ABTB3: variants seen among roughly 807,000 people sequenced by gnomAD.
ABTB3 encodes the protein ankyrin repeat and BTB domain containing 3.
the ABTB3 span, among the ~76,000 whole-genome samples, chr12:107,641,247 C>G: frequency 6.6e-6 from 1 of 152,254 alleles, no homozygotes; most frequent in East Asian, 1.9e-4. Flanking sequence ...AATTTGTTTT[C>G]CCTTGCATAG....
At chr12:107,465,691 TGTCTCAA>T in the ABTB3 span, among the ~76,000 whole-genome samples, 2 of 152,088 alleles carry the variant, frequency 1.3e-5, no homozygotes, top group Non-Finnish European at 2.9e-5. Context: ...GCCGCTGGGT[TGTCTCAA>T]GCCTCAGGCC....
chr12:107,318,683 T>C, the ABTB3 span: 1 of 464,528 alleles, frequency 2.2e-6, no homozygotes, highest in Non-Finnish European at 3.8e-6. Flanking sequence ...GGGAGCTTCC[T>C]TCCCGGCCTG....
At chr12:107,335,533 C>T in the ABTB3 span, among the ~76,000 whole-genome samples, 67,230 of 151,780 alleles carry the variant, frequency 0.44, 18,451 homozygotes, top group African/African-American at 0.79. Context: ...ACCCTGTACA[C>T]ACACATCAGC....
chr12:107,332,280 C>T, the ABTB3 span, among the ~76,000 whole-genome samples: 1 of 152,198 alleles, frequency 6.6e-6, no homozygotes, highest in African/African-American at 2.4e-5. Context: ...CTTTGGAAAA[C>T]CAAGAAGCCC....
chr12:107,321,266 G>A, the ABTB3 span, among the ~76,000 whole-genome samples: 1 of 152,310 alleles, frequency 6.6e-6, no homozygotes, highest in African/African-American at 2.4e-5. Context: ...GCGGTGGGCG[G>A]TGCCAAGGGT....
chr12:107,655,219 G>T, the ABTB3 span, among the ~76,000 whole-genome samples: 1 of 151,732 alleles, frequency 6.6e-6, no homozygotes, highest in South Asian at 2.1e-4. Context: ...GGGAATACAG[G>T]CTTAGAACAC....
At chr12:107,396,667 G>A in the ABTB3 span, among the ~76,000 whole-genome samples, 1 of 150,466 alleles carries the variant, frequency 6.6e-6, no homozygotes, top group Non-Finnish European at 1.5e-5. Context: ...AAAATGCAGA[G>A]AATATAAAAC....
chr12:107,422,696 T>C, the ABTB3 span, among the ~76,000 whole-genome samples: 1 of 152,250 alleles, frequency 6.6e-6, no homozygotes, highest in Non-Finnish European at 1.5e-5. Context: ...GATAACTTCT[T>C]ATGCCTCTTT....
the ABTB3 span, among the ~76,000 whole-genome samples, chr12:107,461,968 G>A: frequency 6.6e-6 from 1 of 152,168 alleles, no homozygotes; most frequent in Non-Finnish European, 1.5e-5. Context: ...ATTGTGGGTT[G>A]GGGCAAAGAA....
At chr12:107,475,113 C>T in the ABTB3 span, among the ~76,000 whole-genome samples, 1 of 152,160 alleles carries the variant, frequency 6.6e-6, no homozygotes, top group African/African-American at 2.4e-5. Flanking sequence ...AGCAGTGAAC[C>T]TCCATCCTGG....
chr12:107,398,684 C>T, the ABTB3 span, among the ~76,000 whole-genome samples: 1 of 151,940 alleles, frequency 6.6e-6, no homozygotes. Context: ...AATTTAGGAG[C>T]CTGCTAAACT....
the ABTB3 span, chr12:107,612,940 C>T: frequency 8.5e-6 from 12 of 1,415,178 alleles, no homozygotes; most frequent in Admixed American, 9.5e-5. Flanking sequence ...GAAAGGGGGG[C>T]TTTTTCTCCC....
the ABTB3 span, among the ~76,000 whole-genome samples, chr12:107,591,933 C>T: frequency 6.6e-6 from 1 of 152,216 alleles, no homozygotes; most frequent in African/African-American, 2.4e-5. Context: ...TAAGTCAGGT[C>T]TGTCTTACTC....
At chr12:107,453,417 G>A in the ABTB3 span, among the ~76,000 whole-genome samples, 3 of 152,094 alleles carry the variant, frequency 2.0e-5, no homozygotes, top group African/African-American at 4.8e-5. Flanking sequence ...ATTGGGATTC[G>A]TTCCCCTATA....
At chr12:107,535,204 A>G in the ABTB3 span, among the ~76,000 whole-genome samples, 1 of 152,210 alleles carries the variant, frequency 6.6e-6, no homozygotes, top group Non-Finnish European at 1.5e-5. Flanking sequence ...GAGTATCTCA[A>G]TAGAGGCAGA....
the ABTB3 span, chr12:107,581,455 C>T: frequency 1.4e-5 from 8 of 577,640 alleles, no homozygotes; most frequent in African/African-American, 8.0e-5. Flanking sequence ...GTGGCAGACG[C>T]GGGCTGAACA....
chr12:107,495,686 G>C, the ABTB3 span, among the ~76,000 whole-genome samples: 1 of 152,168 alleles, frequency 6.6e-6, no homozygotes. Context: ...ATCTACAGCT[G>C]GTATTGCCTC....
chr12:107,498,852 TG>T, the ABTB3 span, among the ~76,000 whole-genome samples: 1 of 152,214 alleles, frequency 6.6e-6, no homozygotes, highest in Non-Finnish European at 1.5e-5. Context: ...TGGACATCTT[TG>T]GGGACCATTA....
chr12:107,568,086 A>T, the ABTB3 span, among the ~76,000 whole-genome samples: 1 of 152,194 alleles, frequency 6.6e-6, no homozygotes, highest in African/African-American at 2.4e-5. Flanking sequence ...TCAATGTCAC[A>T]CTGGTCTTTG....
Sources: allele counts gnomAD v4.1 joint callset (sites outside exome capture counted in the v4.1 genomes callset), GRCh38; gene constraint gnomAD v4.1.1; transcripts MANE v1.5; gene names NCBI Gene and HGNC (gene_info 2026-07-23, HGNC 2026-07-21).